The following TFDP2 variants were observed in gnomAD, a reference collection of about 807,000 sequenced individuals.
TFDP2 encodes the protein transcription factor Dp-2, also known as transcription factor Dp-2 (E2F dimerization partner 2).
TFDP2 carries 17 observed loss-of-function variants against 59.3 expected under a neutral mutation model. The ratio of observed to expected loss-of-function variants is 0.29; its 90% CI spans 0.20 to 0.43. The LOEUF is 0.43. TFDP2 is among the 20% of genes least tolerant of loss of function. The probability of loss-of-function intolerance (pLI) is 1.00; values close to 1 mark genes in which losing one functional copy is unlikely to be tolerated. For missense variants in TFDP2, 391 were observed against 528.8 expected (o/e 0.74, Z 2.56); for synonymous variants, 180 against 194.7 (o/e 0.92, Z 0.63).
rs1935080492 is a variant in TFDP2 at position 141,944,932 on chromosome 3, G to A, written c.*7581C>T. On this transcript the variant is annotated 3_prime_UTR_variant, in exon 13 of 13. Coordinates refer to ENST00000489671, the MANE Select transcript of TFDP2 (RefSeq NM_001178139.2). Reference sequence around the variant, plus strand: ...ATAAAGGAAAGTCTACATTGGGCAAGTCAGATGTGGTGGTTGCATTTTCCT... The same window carrying A: ...ATAAAGGAAAGTCTACATTGGGCAAATCAGATGTGGTGGTTGCATTTTCCT... 6.6e-6 allele frequency: 1 copy of A among 152,258 alleles called. No individual in the cohort carries two copies. Among genetic ancestry groups the A allele is most frequent in the Admixed American group, 6.5e-5 (1 of 15,290 alleles). The allele number at this position is 152,258 out of a possible 1,614,324, so 9.4% of individuals were successfully genotyped here.
At chr3:142,043,770 G>T (rs903104771) in intron 3 of TFDP2, 12 of 1,591,564 alleles carry the variant, frequency 7.5e-6, no homozygotes, top group East Asian at 4.5e-5. Context: ...TGCGGGCCTT[G>T]TCTGCCTTCA....
At chr3:142,011,196 T>C in intron 3 of TFDP2, among the ~76,000 whole-genome samples, 2 of 26,444 alleles carry the variant, frequency 7.6e-5, no homozygotes, top group African/African-American at 3.1e-4. Context: ...AACCCAAATG[T>C]CCAACAATGA....
chr3:142,107,263 G>A (rs1216875899), intron 1 of TFDP2, among the ~76,000 whole-genome samples: 3 of 141,796 alleles, frequency 2.1e-5, no homozygotes, highest in Non-Finnish European at 3.0e-5. Flanking sequence ...ACGGAGTCTT[G>A]CTCTGTCACC....
chr3:142,001,349 C>T (rs535584695), intron 4 of TFDP2, among the ~76,000 whole-genome samples: 32 of 152,292 alleles, frequency 2.1e-4, no homozygotes, highest in African/African-American at 6.0e-4. Context: ...TGCCAAAATT[C>T]GGGGAGCAGA....
intron 1 of TFDP2, among the ~76,000 whole-genome samples, chr3:142,131,967 T>C (rs1439457333): frequency 4.9e-5 from 7 of 143,366 alleles, no homozygotes; most frequent in East Asian, 4.0e-4. Flanking sequence ...AATCGCTTCA[T>C]TGCACTCGTC....
intron 3 of TFDP2, among the ~76,000 whole-genome samples, chr3:142,070,628 C>T (rs1045391009): frequency 2.0e-5 from 3 of 152,004 alleles, no homozygotes; most frequent in Non-Finnish European, 4.4e-5. Context: ...GGTTGAGTAC[C>T]GTTACATATG....
intron 3 of TFDP2, among the ~76,000 whole-genome samples, chr3:142,013,345 A>T (rs1348867776): frequency 6.6e-6 from 1 of 152,244 alleles, no homozygotes; most frequent in Admixed American, 6.5e-5. Context: ...ACATGTTTAG[A>T]CAAAACTTAC....
chr3:142,093,355 C>T (rs1057269071), intron 2 of TFDP2, among the ~76,000 whole-genome samples: 4 of 151,274 alleles, frequency 2.6e-5, no homozygotes, highest in Non-Finnish European at 5.9e-5. Flanking sequence ...AGGCTGAGGT[C>T]GGAGGATTGC....
At chr3:142,149,053 C>T in intron 1 of TFDP2, 130 bp downstream of exon 1, 1 of 393,134 alleles carries the variant, frequency 2.5e-6, no homozygotes, top group Non-Finnish European at 4.5e-6. Flanking sequence ...GAACCCAGGT[C>T]TAAACAGATG....
chr3:142,145,051 G>A (rs2063118192), intron 1 of TFDP2, among the ~76,000 whole-genome samples: 1 of 151,986 alleles, frequency 6.6e-6, no homozygotes, highest in Non-Finnish European at 1.5e-5. Context: ...TTTGCTTCAG[G>A]CATTTTTATT....
At chr3:142,147,682 A>C (rs1320407700) in intron 1 of TFDP2, among the ~76,000 whole-genome samples, 2 of 150,746 alleles carry the variant, frequency 1.3e-5, no homozygotes, top group South Asian at 2.1e-4. Context: ...ACAGTGCTCA[A>C]ACTGCAACTG....
At chr3:141,953,320 C>CTGGATA (rs1936149903) in intron 11 of TFDP2, among the ~76,000 whole-genome samples, 1 of 152,170 alleles carries the variant, frequency 6.6e-6, no homozygotes, top group Admixed American at 6.5e-5. Flanking sequence ...AGAGCACAGC[C>CTGGATA]CATGGGATAC....
intron 3 of TFDP2, among the ~76,000 whole-genome samples, chr3:142,074,100 G>A (rs73232678): frequency 0.085 from 12,975 of 152,272 alleles, 698 homozygotes; most frequent in Middle Eastern, 0.14. Context: ...ACAGGCTGAT[G>A]GAATAAAATC....
rs1386530284 is a variant in TFDP2 at position 142,123,278 on chromosome 3, G to A, written c.-92-21437C>T. Among the ~76,000 whole-genome samples the A allele has an allele frequency of 3.3e-5, 5 of 152,344 alleles. No individual in the cohort carries two copies. The East Asian group carries it at 9.6e-4, about 29-fold the overall frequency. ...GCCTCCCGAGTAGCTGGGACTACAG[G>A]CGCGTGCCACTGCACCCGGCTGATT... On this transcript the variant is annotated intron_variant, in intron 1 of 12. Coordinates refer to ENST00000489671, the MANE Select transcript of TFDP2 (RefSeq NM_001178139.2).
At position 142,074,561 on chromosome 3, in the gene TFDP2, A is replaced by T. The variant is rs539876941; in HGVS notation, c.82+18500T>A. Among the ~76,000 whole-genome samples the T allele has an allele frequency of 4.6e-5, 7 of 151,512 alleles. No individual in the cohort carries two copies. In the South Asian group the frequency reaches 1.3e-3, roughly 27 times the overall value. ...GACCCCATCTCTAAATATATAAATTAAAAAAACAGGCCAGGTATGGTGGCT... is the reference window on the plus strand; with the variant it reads ...GACCCCATCTCTAAATATATAAATTTAAAAAACAGGCCAGGTATGGTGGCT... On this transcript the variant is annotated intron_variant, in intron 3 of 12. Transcript: ENST00000489671.
intron 4 of TFDP2, among the ~76,000 whole-genome samples, chr3:142,004,689 C>T (rs1364308937): frequency 6.6e-6 from 1 of 152,118 alleles, no homozygotes; most frequent in East Asian, 1.9e-4. Context: ...CCCCAAAAGT[C>T]CTTAATGAAA....
Position 142,107,235 on chromosome 3 carries a change from C to CTT in TFDP2, c.-92-5396_-92-5395dup, listed in dbSNP as rs759364886. ...GAAGATATTTTCTTTTTTTTCTTTT[C>CTT]TTTTTTTTTTTTTCGAGACGGAGTC... On this transcript the variant is annotated intron_variant, in intron 1 of 12. Coordinates refer to ENST00000489671, the MANE Select transcript of TFDP2 (RefSeq NM_001178139.2). 4.2e-5 allele frequency among the ~76,000 whole-genome samples: 6 copies of CTT among 142,036 alleles called. No individual in the cohort carries two copies. In the East Asian group the frequency reaches 1.0e-3, roughly 24 times the overall value. The allele number at this position is 142,036 out of a possible 152,430, so 93.2% of individuals were successfully genotyped here.
chr3:141,986,189 G>A (rs756789361), intron 6 of TFDP2, among the ~76,000 whole-genome samples: 16 of 152,180 alleles, frequency 1.1e-4, no homozygotes, highest in Middle Eastern at 3.2e-3. Context: ...TTCTTATGTA[G>A]TCCTGTCCCA....
intron 3 of TFDP2, among the ~76,000 whole-genome samples, chr3:142,064,303 G>A (rs1426856353): frequency 2.0e-5 from 3 of 152,064 alleles, no homozygotes; most frequent in Non-Finnish European, 4.4e-5. Context: ...ACTTGTTAGC[G>A]ATACCAATTT....
Sources: gnomAD v4.1 joint callset for allele counts (sites outside exome capture counted in the v4.1 genomes callset) on GRCh38, gnomAD v4.1.1 for gene constraint, MANE v1.5 for transcripts, NCBI Gene and HGNC (gene_info 2026-07-23, HGNC 2026-07-21) for gene names.